Variants in SYNPO2 observed in about 807,000 individuals in gnomAD.
SYNPO2 encodes synaptopodin-2.
SYNPO2 carries 56 observed loss-of-function variants against 85.0 expected under a neutral mutation model. The observed-to-expected ratio is 0.66, with a 90% CI of 0.53 to 0.82. The LOEUF (loss-of-function observed/expected upper bound fraction) is 0.82. Ranked by LOEUF, SYNPO2 falls within the 40% of genes least tolerant of loss-of-function variation. The pLI is 0.00. For synonymous variants in SYNPO2, 602 were observed against 591.1 expected, an observed-to-expected ratio of 1.02 and a Z score of -0.27; for missense variants, 1,575 against 1,534.2, an observed-to-expected ratio of 1.03 and a Z score of -0.44.
chr4:118,952,926 G>A (rs891760894), intron 1 of SYNPO2, among the ~76,000 whole-genome samples: 4 of 152,152 alleles, frequency 2.6e-5, no homozygotes, highest in African/African-American at 2.4e-5. Flanking sequence ...AGGTCAGAGA[G>A]ATAATTTTTA....
chr4:118,872,031 TA>T (rs1731812303), intron 1 of SYNPO2, among the ~76,000 whole-genome samples: 1 of 152,240 alleles, frequency 6.6e-6, no homozygotes, highest in Non-Finnish European at 1.5e-5. Context: ...CTTAGTCAGT[TA>T]AAAGTGATTC....
chr4:118,953,497 G>C (rs1317468002), intron 1 of SYNPO2, among the ~76,000 whole-genome samples: 2 of 152,034 alleles, frequency 1.3e-5, no homozygotes, highest in Non-Finnish European at 2.9e-5. Context: ...ATGAGTTAAT[G>C]ACTAATGGTA....
intron 1 of SYNPO2, 56 bp from the exon 2 acceptor site, chr4:119,023,374 C>T: frequency 6.6e-7 from 1 of 1,519,270 alleles, no homozygotes; most frequent in African/African-American, 1.4e-5. Flanking sequence ...GAGATGGTGG[C>T]TTGCTTTTTA....
intron 1 of SYNPO2, among the ~76,000 whole-genome samples, chr4:118,879,408 T>A (rs1732022182): frequency 6.6e-6 from 1 of 152,204 alleles, no homozygotes; most frequent in African/African-American, 2.4e-5. Flanking sequence ...GAAGTGGGGC[T>A]GTGCGAAGGT....
chr4:118,898,490 G>A (rs926967384), intron 1 of SYNPO2, among the ~76,000 whole-genome samples: 2 of 152,108 alleles, frequency 1.3e-5, no homozygotes, highest in African/African-American at 4.8e-5. Context: ...CACTGTCATC[G>A]AGATAACCAT....
Position 118,888,873 on chromosome 4 carries a change from G to A in SYNPO2, c.-164G>A, listed in dbSNP as rs1732264740. ...TTAGCCGCACAAATTCGCAGCAGGC[G>A]GCTGGGGCGGCGGCTGGGGCAGCGG... On this transcript the variant is annotated 5_prime_UTR_variant, in exon 1 of 5. Coordinates refer to ENST00000307142, the MANE Select transcript of SYNPO2 (RefSeq NM_133477.3). 1 of 696,922 alleles carries A rather than the reference G, an allele frequency of 1.4e-6. No homozygotes were observed. Among genetic ancestry groups the A allele is most frequent in the Non-Finnish European group, 2.5e-6 (1 of 406,744 alleles). 43.2% of individuals were successfully genotyped at this position (696,922 alleles called of 1,614,324 possible).
chr4:118,988,164 T>C (rs892224465), intron 1 of SYNPO2, among the ~76,000 whole-genome samples: 4 of 152,198 alleles, frequency 2.6e-5, no homozygotes, highest in African/African-American at 9.7e-5. Flanking sequence ...AGAGCAAATA[T>C]TGCATAAACT....
intron 1 of SYNPO2, among the ~76,000 whole-genome samples, chr4:118,864,581 G>A (rs943129891): frequency 2.0e-5 from 3 of 152,124 alleles, no homozygotes; most frequent in African/African-American, 2.4e-5. Context: ...TGTCTGTCTC[G>A]TTAGCTCTAG....
At position 118,888,933 on chromosome 4, in the gene SYNPO2, C is replaced by A; in HGVS notation, c.-104C>A. ...CGGCGGACGCTCTGCATTACCCAGT[C>A]TTGCGTCCTCGGCAGGCGCCCGAAG... is the stretch of plus-strand genomic sequence containing the variant. On this transcript the variant is annotated 5_prime_UTR_variant, in exon 1 of 5. Transcript: ENST00000307142. The A allele has an allele frequency of 8.5e-7, 1 of 1,175,634 alleles. No homozygotes were observed. Among genetic ancestry groups the A allele is most frequent in the Non-Finnish European group, 1.3e-6 (1 of 790,744 alleles). The allele number at this position is 1,175,634 out of a possible 1,614,324, so 72.8% of individuals were successfully genotyped here.
chr4:118,876,693 CTTT>C (rs1230335386), intron 1 of SYNPO2, among the ~76,000 whole-genome samples: 2 of 99,538 alleles, frequency 2.0e-5, no homozygotes, highest in East Asian at 6.9e-4. Flanking sequence ...TTCTTTCTTT[CTTT>C]CTTTCTTTCT....
intron 1 of SYNPO2, among the ~76,000 whole-genome samples, chr4:118,913,970 G>T (rs1036052767): frequency 1.3e-5 from 2 of 152,178 alleles, no homozygotes; most frequent in Admixed American, 6.5e-5. Flanking sequence ...GGAGCTTGGA[G>T]AATGGTGATT....
chr4:118,964,500 T>TA lies in SYNPO2; in HGVS notation c.106-58919dup, dbSNP rs34230396. On this transcript the variant is annotated intron_variant, in intron 1 of 4. Transcript: ENST00000307142. ...GTGAGAGCCTGTCTCAAAAGTAAAT[T>TA]AAAAAAAAAAACAATTAAAAACTGA... 3.5e-3 allele frequency among the ~76,000 whole-genome samples: 504 copies of TA among 145,398 alleles called. 3 individuals are homozygous for TA. Among genetic ancestry groups the TA allele is most frequent in the South Asian group, 0.014 (63 of 4,556 alleles).
chr4:118,970,837 C>A (rs902351648), intron 1 of SYNPO2, among the ~76,000 whole-genome samples: 1 of 152,130 alleles, frequency 6.6e-6, no homozygotes. Context: ...ACGGTGGGTG[C>A]TTTATAACTC....
intron 4 of SYNPO2, chr4:119,033,305 A>G (rs1738364575): frequency 2.0e-6 from 2 of 985,182 alleles, no homozygotes; most frequent in African/African-American, 1.7e-5. Flanking sequence ...TTGCAATTCT[A>G]TTCTCTCACC....
intron 1 of SYNPO2, among the ~76,000 whole-genome samples, chr4:118,864,676 A>G (rs1731671556): frequency 6.6e-6 from 1 of 152,008 alleles, no homozygotes; most frequent in Admixed American, 6.6e-5. Flanking sequence ...TGCTGAATTT[A>G]CCCCTTTATC....
At chr4:118,854,367 T>C (rs923030696) in intron 1 of SYNPO2, among the ~76,000 whole-genome samples, 2 of 152,228 alleles carry the variant, frequency 1.3e-5, no homozygotes, top group African/African-American at 4.8e-5. Context: ...ATTTTATTGG[T>C]TCCATTAATA....
intron 1 of SYNPO2, among the ~76,000 whole-genome samples, chr4:119,008,760 AT>A (rs548545385): frequency 3.3e-4 from 50 of 150,162 alleles, no homozygotes; most frequent in African/African-American, 1.1e-3. Flanking sequence ...GTTAAGTAAA[AT>A]TTTTTTTTTG....
chr4:118,868,303 A>G (rs1032077082), intron 1 of SYNPO2, among the ~76,000 whole-genome samples: 4 of 152,144 alleles, frequency 2.6e-5, no homozygotes, highest in Non-Finnish European at 5.9e-5. Flanking sequence ...CATAAGAAAC[A>G]ACGTATCTCA....
intron 1 of SYNPO2, among the ~76,000 whole-genome samples, chr4:118,854,154 T>G (rs1240887085): frequency 6.6e-6 from 1 of 152,120 alleles, no homozygotes; most frequent in Admixed American, 6.5e-5. Context: ...GGAACATAAC[T>G]GCTAATTACA....
Sources: gnomAD v4.1 joint callset for allele counts (sites outside exome capture counted in the v4.1 genomes callset) on GRCh38, gnomAD v4.1.1 for gene constraint, MANE v1.5 for transcripts, NCBI Gene and HGNC (gene_info 2026-07-23, HGNC 2026-07-21) for gene names.